MREG: variants seen among roughly 807,000 people sequenced by gnomAD.
MREG encodes melanoregulin.
Under a neutral mutation model 28.5 loss-of-function variants are expected in MREG, and 31 were observed. The observed-to-expected ratio is 1.09, with a 90% CI of 0.82 to 1.47. The LOEUF is 1.47. Among genes scored for constraint, MREG ranks in the 40% most tolerant of loss-of-function variants. The pLI, the probability that MREG is intolerant of heterozygous loss-of-function variation, is 0.00. For missense variants in MREG, 256 were observed against 257.4 expected (o/e 0.99, Z 0.04); for synonymous variants, 106 against 95.2 (o/e 1.11, Z -0.66).
At chr2:215,949,081 C>CTAATAATAATAA (rs1491250872) in intron 2 of MREG, among the ~76,000 whole-genome samples, 8 of 96,422 alleles carry the variant, frequency 8.3e-5, no homozygotes, top group African/African-American at 1.5e-4. Context: ...ACTACTACTA[C>CTAATAATAATAA]TACTACTAAT....
chr2:216,006,558 A>G (rs1029930550), intron 1 of MREG, among the ~76,000 whole-genome samples: 1 of 152,234 alleles, frequency 6.6e-6, no homozygotes, highest in African/African-American at 2.4e-5. Context: ...GAAGCCACAG[A>G]TGAGGTGTGC....
At chr2:216,028,394 G>A (rs1490545046) in intron 1 of MREG, among the ~76,000 whole-genome samples, 1 of 152,044 alleles carries the variant, frequency 6.6e-6, no homozygotes, top group Non-Finnish European at 1.5e-5. Flanking sequence ...TGGGCGTGGT[G>A]GCGGGCACCT....
At chr2:215,995,637 A>G (rs1053804584) in intron 2 of MREG, among the ~76,000 whole-genome samples, 4 of 152,174 alleles carry the variant, frequency 2.6e-5, no homozygotes, top group Admixed American at 1.3e-4. Context: ...TGATGAACAC[A>G]GAAGTCAGAA....
intron 1 of MREG, among the ~76,000 whole-genome samples, chr2:216,031,679 GAA>G (rs769170537): frequency 0.033 from 1,686 of 51,082 alleles, 37 homozygotes; most frequent in African/African-American, 0.11. Context: ...AAGAAAGAAA[GAA>G]AGAAAGAAAG....
chr2:215,991,013 A>G (rs1693707245), intron 2 of MREG, among the ~76,000 whole-genome samples: 1 of 152,252 alleles, frequency 6.6e-6, no homozygotes, highest in South Asian at 2.1e-4. Flanking sequence ...AAGGATATAC[A>G]GGAGTTAAAC....
At position 215,982,677 on chromosome 2, in the gene MREG, G is replaced by C. The variant is rs538374519; in HGVS notation, c.255+13629C>G. Among the ~76,000 whole-genome samples, 117 of 152,248 alleles carry C rather than the reference G, an allele frequency of 7.7e-4. 4 individuals carry two copies. In the South Asian group the frequency reaches 0.023, roughly 30 times the overall value. ...GGGAACTTTGTCTTTGACCAAAGAGGTTCCACTGACGCTCTTTCTAAACTC... is the reference window on the plus strand; with the variant it reads ...GGGAACTTTGTCTTTGACCAAAGAGCTTCCACTGACGCTCTTTCTAAACTC... On this transcript the variant is annotated intron_variant, in intron 2 of 4. Coordinates refer to ENST00000263268, the MANE Select transcript of MREG (RefSeq NM_018000.3).
upstream of MREG, among the ~76,000 whole-genome samples, chr2:216,015,146 CGT>C (rs1574657720): frequency 6.6e-6 from 1 of 151,666 alleles, no homozygotes; most frequent in Non-Finnish European, 1.5e-5. Flanking sequence ...TGCGTCTGTG[CGT>C]GCGTACGTGT....
intron 1 of MREG, among the ~76,000 whole-genome samples, chr2:216,012,406 G>C (rs1479379463): frequency 3.3e-5 from 5 of 152,128 alleles, no homozygotes; most frequent in Non-Finnish European, 5.9e-5. Context: ...TGTATTACGT[G>C]AGTTTCATAC....
chr2:216,022,447 A>G (rs564227740), intron 1 of MREG, among the ~76,000 whole-genome samples: 1 of 152,294 alleles, frequency 6.6e-6, no homozygotes, highest in African/African-American at 2.4e-5. Context: ...GTAGATTCTT[A>G]TAGCTAACTA....
chr2:216,007,100 G>A (rs965445053), intron 1 of MREG, among the ~76,000 whole-genome samples: 1 of 152,194 alleles, frequency 6.6e-6, no homozygotes, highest in Admixed American at 6.5e-5. Context: ...GCAAGTTACT[G>A]AAGTTCTCTG....
At chr2:215,982,367 T>C (rs760954038) in intron 2 of MREG, among the ~76,000 whole-genome samples, 18 of 151,166 alleles carry the variant, frequency 1.2e-4, no homozygotes, top group Non-Finnish European at 1.3e-4. Flanking sequence ...AAAAGAAACA[T>C]TGATTCTCTT....
At chr2:216,017,566 G>A (rs1008845750), upstream of MREG, among the ~76,000 whole-genome samples, 3 of 152,210 alleles carry the variant, frequency 2.0e-5, no homozygotes, top group East Asian at 3.9e-4. Context: ...AGCCAACACC[G>A]CCAACCACAT....
chr2:215,967,839 G>A (rs1037314560), intron 2 of MREG, among the ~76,000 whole-genome samples: 7 of 152,132 alleles, frequency 4.6e-5, no homozygotes, highest in African/African-American at 1.7e-4. Flanking sequence ...GTGTCATAGT[G>A]AGTCCTAAGT....
chr2:215,983,313 G>A (rs1230094465), intron 2 of MREG, among the ~76,000 whole-genome samples: 1 of 152,250 alleles, frequency 6.6e-6, no homozygotes, highest in Non-Finnish European at 1.5e-5. Flanking sequence ...CCAGACTGGA[G>A]TATCTCAGTT....
intron 2 of MREG, among the ~76,000 whole-genome samples, chr2:215,974,763 A>G (rs28396072): frequency 0.62 from 92,526 of 150,284 alleles, 29,213 homozygotes; most frequent in East Asian, 0.82. Flanking sequence ...TGCTTTATCT[A>G]CTCTGGTGAA....
chr2:216,030,000 G>T (rs1365839636), intron 1 of MREG, among the ~76,000 whole-genome samples: 4 of 152,146 alleles, frequency 2.6e-5, no homozygotes, highest in African/African-American at 9.7e-5. Flanking sequence ...TGGTGGACCA[G>T]TCTCCCACTG....
At chr2:215,969,079 G>A (rs942940468) in intron 2 of MREG, among the ~76,000 whole-genome samples, 7 of 152,162 alleles carry the variant, frequency 4.6e-5, no homozygotes, top group Non-Finnish European at 1.0e-4. Context: ...AGAATTTAAT[G>A]TGTTATTCTT....
At chr2:215,981,645 A>T (rs1387790993) in intron 2 of MREG, among the ~76,000 whole-genome samples, 1 of 152,108 alleles carries the variant, frequency 6.6e-6, no homozygotes, top group Non-Finnish European at 1.5e-5. Flanking sequence ...ACAAGAGGAA[A>T]TTTTTGTTAT....
intron 1 of MREG, among the ~76,000 whole-genome samples, chr2:216,031,673 AAGAAAGAAAGAAAGAAAGAG>A (rs1410621687): frequency 1.4e-4 from 17 of 121,344 alleles, no homozygotes; most frequent in Non-Finnish European, 2.1e-4. Flanking sequence ...GAAAGAAAGA[AAGAAAGAAAGAAAGAAAGAG>A]AAAGAAAGAA....
Sources: gnomAD v4.1 joint callset for allele counts (sites outside exome capture counted in the v4.1 genomes callset) on GRCh38, gnomAD v4.1.1 for gene constraint, MANE v1.5 for transcripts, NCBI Gene and HGNC (gene_info 2026-07-23, HGNC 2026-07-21) for gene names.